WASHC4: variants seen among roughly 807,000 people sequenced by gnomAD.
The protein encoded by WASHC4 is WASH complex subunit 4.
WASHC4 carries 86 observed loss-of-function variants against 166.6 expected under a neutral mutation model. The ratio of observed to expected loss-of-function variants is 0.52; its 90% CI spans 0.43 to 0.62. WASHC4 has a LOEUF of 0.62. Among genes scored for constraint, WASHC4 ranks in the 20% least tolerant of loss-of-function variants. The pLI is 0.00. For missense variants in WASHC4, 1,262 were observed against 1,382.4 expected (o/e 0.91, Z 1.38); for synonymous variants, 446 against 451.6 (o/e 0.99, Z 0.16).
chr12:105,158,871 T>C (rs998816200), intron 28 of WASHC4, among the ~76,000 whole-genome samples: 3 of 152,168 alleles, frequency 2.0e-5, no homozygotes, highest in African/African-American at 7.2e-5. Context: ...TGTTAACAAG[T>C]GGTGAATCTA....
intron 4 of WASHC4, 80 bp from the exon 5 acceptor site, chr12:105,115,104 A>G (rs1880056368): frequency 1.4e-6 from 1 of 717,802 alleles, no homozygotes; most frequent in Non-Finnish European, 2.5e-6. Flanking sequence ...TTTATTACTA[A>G]GTATACAGAT....
intron 9 of WASHC4, among the ~76,000 whole-genome samples, chr12:105,121,670 G>A (rs892513496): frequency 6.6e-6 from 1 of 152,098 alleles, no homozygotes; most frequent in Admixed American, 6.5e-5. Flanking sequence ...ACCATGCCCA[G>A]CTAACTTTTG....
chr12:105,127,225 A>C lies in WASHC4; in HGVS notation c.1135A>C (p.Ser379Arg), dbSNP rs1881370448. The C allele has an allele frequency of 6.2e-7, 1 of 1,612,564 alleles. No individual in the cohort carries two copies. The highest frequency in any genetic ancestry group is 8.5e-7 in the Non-Finnish European group (1 of 1,178,776). Residue 379 changes from serine (S) to arginine (R), a missense_variant, in exon 13 of 33, where the codon AGT (serine) becomes CGT (arginine). Coordinates refer to ENST00000332180, the MANE Select transcript of WASHC4 (RefSeq NM_015275.3). ...PAAAKLLDRK[S>R]LQAIKIHRDT... ...AGCTGCCAAACTGCTAGACAGAAAA[A>C]GTCTTCAAGCCATTAAAATACACAG...
At chr12:105,123,659 A>G (rs1383141761) in intron 10 of WASHC4, among the ~76,000 whole-genome samples, 2 of 152,254 alleles carry the variant, frequency 1.3e-5, no homozygotes, top group African/African-American at 2.4e-5. Flanking sequence ...AGCTGTCTCC[A>G]TAACATTAAA....
chr12:105,122,296 G>A (rs1383854317), intron 10 of WASHC4, 58 bp downstream of exon 10: 69 of 1,555,096 alleles, frequency 4.4e-5, no homozygotes, highest in Non-Finnish European at 6.0e-5. Flanking sequence ...ACAAAGCTCA[G>A]AATTATAGTA....
At position 105,147,045 on chromosome 12, in the gene WASHC4, T is replaced by C. The variant is rs373239994; in HGVS notation, c.2413T>C (p.Phe805Leu). The change falls in exon 24 of 33, where the codon TTT becomes CTT. Residue 805 changes from phenylalanine to leucine, a missense_variant. Physicochemically the swap from Phe to Leu is conservative, Grantham distance 22 (BLOSUM62 0). Coordinates refer to ENST00000332180, the MANE Select transcript of WASHC4 (RefSeq NM_015275.3). ...GCATAAATTTGTTTCATTGCAGATT[T>C]TTATTGAACGAACAAGCAATAACAA... is the stretch of plus-strand genomic sequence containing the variant. ...RYLYNLNNQI[F>L]IERTSNNKHL... is the part of the protein sequence containing the mutation. The C allele has an allele frequency of 1.5e-5, 24 of 1,591,764 alleles. No individual in the cohort carries two copies. Among genetic ancestry groups the C allele is most frequent in the Non-Finnish European group, 1.8e-5 (21 of 1,159,682 alleles).
chr12:105,124,137 G>A (rs1322422374), intron 10 of WASHC4, among the ~76,000 whole-genome samples: 16 of 121,730 alleles, frequency 1.3e-4, no homozygotes, highest in Non-Finnish European at 3.3e-5. Flanking sequence ...TTTTTTTTTC[G>A]AGACGGACTT....
chr12:105,143,959 T>TC (rs1883079046), intron 20 of WASHC4, among the ~76,000 whole-genome samples: 1 of 151,970 alleles, frequency 6.6e-6, no homozygotes, highest in Non-Finnish European at 1.5e-5. Flanking sequence ...TTTTGTGATT[T>TC]TTTTTTTAAC....
chr12:105,118,438 C>T lies in WASHC4; in HGVS notation c.436-8C>T, dbSNP rs368596341. ...ACTTTATAATATATACCCACCTTCT[C>T]GTTTCAGGAACTGTCTTGCTTTGTT... On this transcript the variant is annotated splice_region_variant and splice_polypyrimidine_tract_variant and intron_variant, in intron 6 of 32. Transcript: ENST00000332180. 17 of 1,601,816 alleles carry T rather than the reference C, an allele frequency of 1.1e-5. No individual in the cohort carries two copies. Among genetic ancestry groups the T allele is most frequent in the Middle Eastern group, 1.6e-4 (1 of 6,068 alleles).
chr12:105,144,651 T>G, intron 21 of WASHC4, 67 bp from the exon 22 acceptor site: 1 of 1,429,492 alleles, frequency 7.0e-7, no homozygotes, highest in Non-Finnish European at 9.7e-7. Flanking sequence ...TTGTTGTTTT[T>G]TCCTTTTAGG....
In WASHC4 at chr12:105,162,738, C is replaced by A. The variant is rs774242533; in HGVS notation, c.3061-11C>A. On this transcript the variant is annotated splice_polypyrimidine_tract_variant and intron_variant, in intron 29 of 32. Coordinates refer to ENST00000332180, the MANE Select transcript of WASHC4 (RefSeq NM_015275.3). ...AAATTGTTTTTCTAACATGTTGTTA[C>A]ATCTTTTTAGACCCTCAACTTTGTA... 5 of 1,415,838 alleles carry A rather than the reference C, an allele frequency of 3.5e-6. No individual in the cohort carries two copies. The highest frequency in any genetic ancestry group is 5.0e-6 in the Non-Finnish European group (5 of 1,004,072). 87.7% of individuals were successfully genotyped at this position (1,415,838 alleles called of 1,614,324 possible).
At chr12:105,148,979 G>GT in intron 24 of WASHC4, 1 of 984,268 alleles carries the variant, frequency 1.0e-6, no homozygotes. Flanking sequence ...AAGCACACAT[G>GT]TACTTAACAT....
intron 15 of WASHC4, among the ~76,000 whole-genome samples, chr12:105,139,765 T>C (rs1166773176): frequency 6.6e-6 from 1 of 152,092 alleles, no homozygotes; most frequent in African/African-American, 2.4e-5. Flanking sequence ...ATTAGTCACT[T>C]GTACCTGGTA....
intron 25 of WASHC4, among the ~76,000 whole-genome samples, chr12:105,151,099 A>C (rs2246243): frequency 0.88 from 127,863 of 145,820 alleles, 56,343 homozygotes; most frequent in East Asian, 1. Context: ...GAGCCGAGAT[A>C]ATGCCACTGC....
At chr12:105,154,219 T>C (rs1380725980) in intron 26 of WASHC4, among the ~76,000 whole-genome samples, 4 of 152,084 alleles carry the variant, frequency 2.6e-5, no homozygotes, top group Admixed American at 2.0e-4. Context: ...TTAGTAGAGA[T>C]AGGGTTTCAC....
At chr12:105,143,334 T>C in intron 20 of WASHC4, 91 bp downstream of exon 20, 1 of 728,450 alleles carries the variant, frequency 1.4e-6, no homozygotes, top group Non-Finnish European at 2.5e-6. Context: ...ACTCACTGAG[T>C]TAAAATTATT....
At chr12:105,149,529 A>C in intron 24 of WASHC4, 86 bp from the exon 25 acceptor site, 1 of 1,075,088 alleles carries the variant, frequency 9.3e-7, no homozygotes, top group Non-Finnish European at 1.3e-6. Context: ...CAAATAGATA[A>C]CTGTGATACA....
chr12:105,168,094 A>G lies in WASHC4; in HGVS notation c.*1163A>G, dbSNP rs960317679. 19 of 152,046 alleles carry G rather than the reference A, an allele frequency of 1.2e-4. No homozygotes were observed. The highest frequency in any genetic ancestry group is 4.6e-4 in the African/African-American group (19 of 41,444). The allele number at this position is 152,046 out of a possible 1,614,324, so 9.4% of individuals were successfully genotyped here. On this transcript the variant is annotated 3_prime_UTR_variant, in exon 33 of 33. Coordinates refer to ENST00000332180, the MANE Select transcript of WASHC4 (RefSeq NM_015275.3). ...CAAACACCATTTTGGGAAATGCTTG[A>G]TTTTTTTCTATTGCATTTGTCTGCT... is the stretch of plus-strand genomic sequence containing the variant.
chr12:105,118,350 G>A (rs754257486), intron 6 of WASHC4, 96 bp from the exon 7 acceptor site: 2 of 902,980 alleles, frequency 2.2e-6, no homozygotes, highest in Non-Finnish European at 3.7e-6. Flanking sequence ...TTGGAAAACT[G>A]TTTTGTTTTT....
Sources: gnomAD v4.1 joint callset for allele counts (sites outside exome capture counted in the v4.1 genomes callset) on GRCh38, gnomAD v4.1.1 for gene constraint, MANE v1.5 for transcripts, NCBI Gene and HGNC (gene_info 2026-07-23, HGNC 2026-07-21) for gene names.